AGBL1: variants seen among roughly 807,000 people sequenced by gnomAD.
AGBL1 encodes cytosolic carboxypeptidase 4.
Under a neutral mutation model 118.9 loss-of-function variants are expected in AGBL1, and 130 were observed. The ratio of observed to expected loss-of-function variants is 1.09; its 90% confidence interval spans 0.95 to 1.26. The LOEUF is 1.26. Ranked by LOEUF, AGBL1 falls within the 50% of genes most tolerant of loss-of-function variation. AGBL1 has a pLI of 0.00. For synonymous variants in AGBL1, 555 were observed against 478.9 expected (o/e 1.16, Z -2.08); for missense variants, 1,584 against 1,298.1 (o/e 1.22, Z -3.38).
Position 86,276,089 on chromosome 15 carries a change from A to C in AGBL1, c.2076-3550A>C, listed in dbSNP as rs1170243466. Among the ~76,000 whole-genome samples the C allele has an allele frequency of 2.6e-5, 4 of 152,228 alleles. No homozygotes were observed. The East Asian group carries it at 7.7e-4, about 29-fold the overall frequency. ...TAATTAGTAAAAACATCTTAGTGGCATCAAATACCAATGATATAAAAGTCA... is the reference window on the plus strand; with the variant it reads ...TAATTAGTAAAAACATCTTAGTGGCCTCAAATACCAATGATATAAAAGTCA... On this transcript the variant is annotated intron_variant, in intron 15 of 22. Transcript: ENST00000614907.
intron 19 of AGBL1, among the ~76,000 whole-genome samples, chr15:86,527,936 C>T (rs967376018): frequency 6.6e-6 from 1 of 152,208 alleles, no homozygotes; most frequent in Non-Finnish European, 1.5e-5. Flanking sequence ...AGCCATCCAT[C>T]ATCCATTCAT....
At chr15:86,730,085 A>G (rs2077507788) in intron 22 of AGBL1, among the ~76,000 whole-genome samples, 1 of 152,256 alleles carries the variant, frequency 6.6e-6, no homozygotes, top group East Asian at 1.9e-4. Context: ...AGAAGTGCCT[A>G]AGATTGAAAC....
intron 22 of AGBL1, among the ~76,000 whole-genome samples, chr15:86,745,224 C>T (rs993766939): frequency 6.6e-6 from 1 of 151,942 alleles, no homozygotes; most frequent in Non-Finnish European, 1.5e-5. Flanking sequence ...TTGCTGAGGT[C>T]TTAGTATGTG....
chr15:86,256,080 A>G (rs1272898178), intron 7 of AGBL1, among the ~76,000 whole-genome samples: 4 of 152,190 alleles, frequency 2.6e-5, no homozygotes. Context: ...AGTAGACAAA[A>G]CATTTACAAA....
At chr15:86,878,193 T>G (rs922838873) in intron 22 of AGBL1, among the ~76,000 whole-genome samples, 1 of 152,186 alleles carries the variant, frequency 6.6e-6, no homozygotes, top group African/African-American at 2.4e-5. Flanking sequence ...AGTATGATTT[T>G]GTGATTAGGG....
intron 17 of AGBL1, among the ~76,000 whole-genome samples, chr15:86,353,470 G>A (rs919897877): frequency 2.0e-5 from 3 of 152,182 alleles, no homozygotes; most frequent in African/African-American, 7.2e-5. Flanking sequence ...GGACTGTGGA[G>A]AACATTAATG....
chr15:86,871,113 G>T (rs1189416253), intron 22 of AGBL1, among the ~76,000 whole-genome samples: 2 of 152,180 alleles, frequency 1.3e-5, no homozygotes, highest in African/African-American at 4.8e-5. Context: ...TAGCCAGGAA[G>T]CCAGCTTAAG....
At chr15:86,589,602 A>G (rs1384415794) in intron 21 of AGBL1, among the ~76,000 whole-genome samples, 1 of 152,184 alleles carries the variant, frequency 6.6e-6, no homozygotes, top group Non-Finnish European at 1.5e-5. Flanking sequence ...AATTCCTCAG[A>G]TAAAAAGTTT....
At chr15:86,366,816 G>T (rs527759128) in intron 17 of AGBL1, among the ~76,000 whole-genome samples, 12 of 152,256 alleles carry the variant, frequency 7.9e-5, no homozygotes, top group South Asian at 2.1e-4. Context: ...GGGGGAAAAA[G>T]GTTCCTTTAC....
chr15:86,832,124 A>G (rs2079113265), intron 22 of AGBL1, among the ~76,000 whole-genome samples: 1 of 152,228 alleles, frequency 6.6e-6, no homozygotes, highest in South Asian at 2.1e-4. Context: ...TGCACAAAGC[A>G]GCAGGGCACT....
At chr15:86,943,648 C>T (rs2080781844) in intron 23 of AGBL1, among the ~76,000 whole-genome samples, 4 of 152,288 alleles carry the variant, frequency 2.6e-5, no homozygotes, top group African/African-American at 9.6e-5. Flanking sequence ...TGCTTTTTTA[C>T]TGCACATGTG....
intron 1 of AGBL1, among the ~76,000 whole-genome samples, chr15:86,103,029 G>GT (rs1019799759): frequency 6.6e-6 from 1 of 151,626 alleles, no homozygotes; most frequent in African/African-American, 2.4e-5. Context: ...TTATCTTTGG[G>GT]TTTTTTTCCA....
At chr15:86,973,922 T>C (rs532594297) in intron 23 of AGBL1, among the ~76,000 whole-genome samples, 12 of 137,274 alleles carry the variant, frequency 8.7e-5, no homozygotes, top group African/African-American at 2.3e-4. Flanking sequence ...ACATATTTAA[T>C]ATATTAAATA....
rs138919621 is a variant in AGBL1 at position 86,650,249 on chromosome 15, G to T, written c.2995-24024G>T. On this transcript the variant is annotated intron_variant, in intron 21 of 22. Transcript: ENST00000614907. ...GCCACCTGAAATGAGGACTAAGTTT[G>T]CCAGCTTCCTTATTACTAAGTATGG... Among the ~76,000 whole-genome samples, 213 of 152,198 alleles carry T rather than the reference G, an allele frequency of 1.4e-3. 1 individual carries two copies. Among genetic ancestry groups the T allele is most frequent in the African/African-American group, 4.9e-3 (205 of 41,530 alleles).
At chr15:86,938,287 T>C (rs2080701249) in intron 23 of AGBL1, among the ~76,000 whole-genome samples, 2 of 152,160 alleles carry the variant, frequency 1.3e-5, no homozygotes, top group Admixed American at 1.3e-4. Flanking sequence ...CTTTCCCCTT[T>C]TATAGTCTTC....
intron 3 of AGBL1, among the ~76,000 whole-genome samples, chr15:86,149,574 C>T (rs1035723573): frequency 6.6e-6 from 1 of 152,266 alleles, no homozygotes; most frequent in South Asian, 2.1e-4. Context: ...ACAAGAAGAG[C>T]TAACTCTCCT....
intron 21 of AGBL1, among the ~76,000 whole-genome samples, chr15:86,664,471 G>C (rs2085605938): frequency 6.6e-6 from 1 of 152,154 alleles, no homozygotes; most frequent in Admixed American, 6.6e-5. Flanking sequence ...CTCCAAACCT[G>C]TTTAAAACTC....
At chr15:86,705,404 G>C (rs1417131439) in intron 22 of AGBL1, among the ~76,000 whole-genome samples, 3 of 152,124 alleles carry the variant, frequency 2.0e-5, no homozygotes, top group Non-Finnish European at 1.5e-5. Flanking sequence ...ATGAATTTGT[G>C]TTTCCTCACT....
rs948821108 is a variant in AGBL1 at position 86,511,318 on chromosome 15, T to C, written c.2556-11492T>C. ...GTGAAATCCTTTCTTCAAACAAAAT[T>C]GGACTCCAGAGTTCAACAGGCAAAT... is the stretch of plus-strand genomic sequence containing the variant. On this transcript the variant is annotated intron_variant, in intron 18 of 22. Coordinates refer to ENST00000614907, the MANE Select transcript of AGBL1 (RefSeq NM_001386094.1). Among the ~76,000 whole-genome samples the C allele has an allele frequency of 6.6e-5, 10 of 152,136 alleles. No homozygotes were observed. In the South Asian group the frequency reaches 8.3e-4, roughly 13 times the overall value.
Sources: allele counts gnomAD v4.1 joint callset (sites outside exome capture counted in the v4.1 genomes callset), GRCh38; gene constraint gnomAD v4.1.1; transcripts MANE v1.5; gene names NCBI Gene and HGNC (gene_info 2026-07-23, HGNC 2026-07-21).